The following INPP4B variants were observed in gnomAD, a reference collection of about 807,000 sequenced individuals.
INPP4B encodes inositol polyphosphate 4-phosphatase type II.
Under a neutral mutation model 122.5 loss-of-function variants are expected in INPP4B, and 55 were observed. That is an observed-to-expected ratio of 0.45 (90% confidence interval 0.36 to 0.56). The LOEUF (loss-of-function observed/expected upper bound fraction) is 0.56. Among genes scored for constraint, INPP4B ranks in the 20% least tolerant of loss-of-function variants. INPP4B has a pLI of 0.00. For synonymous variants in INPP4B, 403 were observed against 388.7 expected (o/e 1.04, Z -0.43); for missense variants, 1,000 against 1,097.7 (o/e 0.91, Z 1.26).
intron 23 of INPP4B, among the ~76,000 whole-genome samples, chr4:142,094,201 A>G (rs548665342): frequency 3.3e-5 from 5 of 152,192 alleles, no homozygotes; most frequent in Non-Finnish European, 4.4e-5. Context: ...AGCACAGACG[A>G]TAGAGCAGAG....
At position 142,313,202 on chromosome 4, in the gene INPP4B, A is replaced by G. The variant is rs1766217322; in HGVS notation, c.423+1510T>C. Reference sequence around the variant, plus strand: ...TGAGTGAGAGAAAAAAATTGGAGAAATCTACACGACTGGGCCAAAATATCA... The same window carrying G: ...TGAGTGAGAGAAAAAAATTGGAGAAGTCTACACGACTGGGCCAAAATATCA... On this transcript the variant is annotated intron_variant, in intron 8 of 25. Transcript: ENST00000262992. 2.6e-5 allele frequency among the ~76,000 whole-genome samples: 4 copies of G among 152,126 alleles called. No individual in the cohort carries two copies. In the South Asian group the frequency reaches 8.3e-4, roughly 32 times the overall value.
intron 3 of INPP4B, among the ~76,000 whole-genome samples, chr4:142,442,219 T>C (rs1811902151): frequency 6.6e-6 from 1 of 151,884 alleles, no homozygotes; most frequent in South Asian, 2.1e-4. Context: ...GAGACCAGCC[T>C]GGCCAACATG....
chr4:142,209,487 A>T (rs968141745), intron 12 of INPP4B, among the ~76,000 whole-genome samples: 1 of 151,966 alleles, frequency 6.6e-6, no homozygotes, highest in African/African-American at 2.4e-5. Flanking sequence ...AGTTACAAAT[A>T]TTTTTTTAAA....
intron 3 of INPP4B, among the ~76,000 whole-genome samples, chr4:142,461,831 G>T (rs977156219): frequency 3.5e-5 from 5 of 143,082 alleles, no homozygotes. Flanking sequence ...ACACGTTGGG[G>T]TAAGGTGAGG....
chr4:142,383,528 A>C (rs139003525), intron 7 of INPP4B, among the ~76,000 whole-genome samples: 6 of 152,274 alleles, frequency 3.9e-5, no homozygotes, highest in African/African-American at 1.2e-4. Context: ...TTATGTGGAC[A>C]TGTCAAAATT....
At chr4:142,747,265 A>G (rs967594844) in intron 1 of INPP4B, among the ~76,000 whole-genome samples, 3 of 152,148 alleles carry the variant, frequency 2.0e-5, no homozygotes, top group African/African-American at 4.8e-5. Flanking sequence ...AACAAACATG[A>G]AAAAAAGCTC....
chr4:142,720,440 C>CA (rs1764372334), intron 2 of INPP4B, among the ~76,000 whole-genome samples: 2 of 151,958 alleles, frequency 1.3e-5, no homozygotes, highest in African/African-American at 2.4e-5. Flanking sequence ...CAGGTTTCCT[C>CA]TTTCCCAATG....
chr4:142,483,143 A>G (rs560271834), intron 2 of INPP4B, among the ~76,000 whole-genome samples: 3 of 149,608 alleles, frequency 2.0e-5, no homozygotes, highest in Admixed American at 6.7e-5. Flanking sequence ...AATGTCCATA[A>G]TAATAGGAAT....
intron 2 of INPP4B, among the ~76,000 whole-genome samples, chr4:142,486,522 T>C (rs1267549210): frequency 2.0e-5 from 3 of 152,158 alleles, no homozygotes; most frequent in East Asian, 1.9e-4. Flanking sequence ...TTGTCAAATA[T>C]ATATTTTTGT....
chr4:142,584,456 T>C (rs1389956420), intron 2 of INPP4B, among the ~76,000 whole-genome samples: 1 of 152,168 alleles, frequency 6.6e-6, no homozygotes, highest in Admixed American at 6.6e-5. Flanking sequence ...GATCCTCTTG[T>C]CTCTGACTTT....
intron 17 of INPP4B, among the ~76,000 whole-genome samples, chr4:142,153,554 T>C (rs1230586784): frequency 6.6e-6 from 1 of 152,126 alleles, no homozygotes; most frequent in African/African-American, 2.4e-5. Flanking sequence ...GTCTAGAAAA[T>C]ATCCAAGGGA....
At chr4:142,581,134 C>T (rs573760286) in intron 2 of INPP4B, among the ~76,000 whole-genome samples, 93 of 152,034 alleles carry the variant, frequency 6.1e-4, no homozygotes, top group Middle Eastern at 6.8e-3. Flanking sequence ...CCAAAAATAA[C>T]ATAGCAGAGA....
intron 1 of INPP4B, among the ~76,000 whole-genome samples, chr4:142,745,473 A>G (rs375118746): frequency 6.6e-6 from 1 of 151,926 alleles, no homozygotes; most frequent in Non-Finnish European, 1.5e-5. Flanking sequence ...CATGTTTTCT[A>G]TAAATGCTTT....
At chr4:142,378,588 G>C (rs575468659) in intron 7 of INPP4B, among the ~76,000 whole-genome samples, 1 of 152,242 alleles carries the variant, frequency 6.6e-6, no homozygotes, top group African/African-American at 2.4e-5. Flanking sequence ...ACATGTTCCT[G>C]TCTTTAAGCC....
intron 2 of INPP4B, among the ~76,000 whole-genome samples, chr4:142,569,135 C>G (rs1732267107): frequency 6.6e-6 from 1 of 152,092 alleles, no homozygotes; most frequent in Admixed American, 6.6e-5. Flanking sequence ...CATACACAGT[C>G]TGTCTCTCTG....
At chr4:142,030,436 TG>T (rs1739134458) in intron 25 of INPP4B, 8 of 792,338 alleles carry the variant, frequency 1.0e-5, no homozygotes, top group Non-Finnish European at 1.5e-5. Context: ...TGAAATCTTA[TG>T]GTAAATTTCC....
chr4:142,833,960 A>G (rs1423124787), intron 1 of INPP4B, among the ~76,000 whole-genome samples: 1 of 152,126 alleles, frequency 6.6e-6, no homozygotes, highest in Non-Finnish European at 1.5e-5. Flanking sequence ...ATCCAAAATC[A>G]TGGGAATCTG....
intron 11 of INPP4B, among the ~76,000 whole-genome samples, chr4:142,257,034 T>C (rs1323204705): frequency 6.6e-6 from 1 of 152,232 alleles, no homozygotes; most frequent in Non-Finnish European, 1.5e-5. Context: ...ATCCCTAGGA[T>C]GCAAGGCTGG....
intron 3 of INPP4B, among the ~76,000 whole-genome samples, chr4:142,449,216 C>T (rs1325764712): frequency 1.3e-5 from 2 of 152,150 alleles, no homozygotes; most frequent in African/African-American, 2.4e-5. Context: ...TGATGTTCTC[C>T]TCTTTACCGC....
Sources: gnomAD v4.1 joint callset for allele counts (sites outside exome capture counted in the v4.1 genomes callset) on GRCh38, gnomAD v4.1.1 for gene constraint, MANE v1.5 for transcripts, NCBI Gene and HGNC (gene_info 2026-07-23, HGNC 2026-07-21) for gene names.